Variants in ARHGEF12 observed in about 807,000 individuals in gnomAD.
ARHGEF12 encodes the protein KMT2A/ARHGEF12 fusion protein.
In ARHGEF12, 66 loss-of-function variants were observed where a neutral mutation model predicts 211.2. The ratio of observed to expected loss-of-function variants is 0.31; its 90% CI spans 0.26 to 0.38. ARHGEF12 has a LOEUF of 0.38. ARHGEF12 is among the 10% of genes least tolerant of loss of function. ARHGEF12 has a pLI of 1.00. For synonymous variants in ARHGEF12, 592 were observed against 638.4 expected, an observed-to-expected ratio of 0.93 and a Z score of 1.09; for missense variants, 1,429 against 1,869.5, an observed-to-expected ratio of 0.76 and a Z score of 4.34.
rs1428898761 is a variant in ARHGEF12, at chr11:120,402,806, A to G, written c.33-3312A>G. ...ACTGAAATCAATAAAAGAAAAAAAC[A>G]ATTTCTAGCAGGCTATTTATTATAA... On this transcript the variant is annotated intron_variant, in intron 1 of 40. Transcript: ENST00000397843. Among the ~76,000 whole-genome samples, 5 of 151,976 alleles carry G rather than the reference A, an allele frequency of 3.3e-5. No homozygotes were observed. The East Asian group carries it at 9.7e-4, about 29-fold the overall frequency.
At chr11:120,477,807 C>T (rs1324541412) in intron 36 of ARHGEF12, among the ~76,000 whole-genome samples, 2 of 146,290 alleles carry the variant, frequency 1.4e-5, no homozygotes, top group Admixed American at 6.9e-5. Flanking sequence ...GCGGAGGTTA[C>T]GGTGAGCCGA....
At chr11:120,347,893 A>G (rs570188853) in intron 1 of ARHGEF12, among the ~76,000 whole-genome samples, 1 of 152,220 alleles carries the variant, frequency 6.6e-6, no homozygotes, top group African/African-American at 2.4e-5. Flanking sequence ...TCAGGTGACA[A>G]TGAGGTGGCA....
chr11:120,459,628 C>A (rs1343957215), intron 26 of ARHGEF12, among the ~76,000 whole-genome samples: 1 of 151,744 alleles, frequency 6.6e-6, no homozygotes, highest in Non-Finnish European at 1.5e-5. Flanking sequence ...ATATATATAT[C>A]CAATATAATA....
At chr11:120,401,592 A>G (rs1240130669) in intron 1 of ARHGEF12, among the ~76,000 whole-genome samples, 1 of 152,218 alleles carries the variant, frequency 6.6e-6, no homozygotes, top group Non-Finnish European at 1.5e-5. Context: ...CACCTTTGAT[A>G]TTTTAAAGGA....
Position 120,445,406 on chromosome 11 carries a change from T to G in ARHGEF12, c.1303-16T>G, listed in dbSNP as rs1405833551. 7 of 1,613,954 alleles carry G rather than the reference T, an allele frequency of 4.3e-6. No homozygotes were observed. Among genetic ancestry groups the G allele is most frequent in the Non-Finnish European group, 5.9e-6 (7 of 1,179,812 alleles). The stretch of plus-strand genomic sequence containing the variant: ...TCTTTAGCGTTGTTACACCTTTTGT[T>G]TGCATTTCATTTTAGCACCTGAAAG... On this transcript the variant is annotated splice_polypyrimidine_tract_variant and intron_variant, in intron 15 of 40. Transcript: ENST00000397843.
intron 1 of ARHGEF12, among the ~76,000 whole-genome samples, chr11:120,390,060 A>AT: frequency 6.6e-6 from 1 of 151,658 alleles, no homozygotes; most frequent in African/African-American, 2.4e-5. Flanking sequence ...TTTTTTCTTT[A>AT]TTTTTTTCTC....
Position 120,424,483 on chromosome 11 carries a change from CTG to C in ARHGEF12, c.406+70_406+71del, listed in dbSNP as rs974910593. On this transcript the variant is annotated intron_variant, in intron 7 of 40. Coordinates refer to ENST00000397843, the MANE Select transcript of ARHGEF12 (RefSeq NM_015313.3). ...CTTAAAGTAAGGAGCAGCAAATTTCCTGTAATAGGCCAAATAGTAAATATTTA... is the reference window on the plus strand; with the variant it reads ...CTTAAAGTAAGGAGCAGCAAATTTCCTAATAGGCCAAATAGTAAATATTTA... The C allele has an allele frequency of 3.9e-6, 5 of 1,285,252 alleles. No individual in the cohort carries two copies. The African/African-American group carries it at 7.3e-5, about 19-fold the overall frequency. 79.6% of individuals were successfully genotyped at this position (1,285,252 alleles called of 1,614,324 possible).
intron 18 of ARHGEF12, among the ~76,000 whole-genome samples, 163 bp from the exon 19 acceptor site, chr11:120,447,710 GA>G (rs1209328553): frequency 1.3e-5 from 2 of 152,176 alleles, no homozygotes; most frequent in Non-Finnish European, 1.5e-5. Context: ...CAGCTACTCA[GA>G]AGGCTGAGGC....
intron 1 of ARHGEF12, among the ~76,000 whole-genome samples, chr11:120,363,167 A>G (rs1190175357): frequency 6.6e-6 from 1 of 152,248 alleles, no homozygotes; most frequent in Non-Finnish European, 1.5e-5. Flanking sequence ...ATGAATGTAC[A>G]TTTACATAAG....
chr11:120,409,243 C>G, intron 3 of ARHGEF12, 151 bp from the exon 4 acceptor site: 1 of 632,796 alleles, frequency 1.6e-6, no homozygotes, highest in South Asian at 2.2e-5. Flanking sequence ...CTGTTTGTGA[C>G]TATTCTAAGT....
At chr11:120,440,349 A>G (rs979009042) in intron 13 of ARHGEF12, 128 bp downstream of exon 13, 37 of 733,204 alleles carry the variant, frequency 5.0e-5, no homozygotes, top group East Asian at 3.8e-4. Context: ...CTTAGAACCA[A>G]TAGCTCCTTG....
chr11:120,379,928 T>C (rs149695489), intron 1 of ARHGEF12, among the ~76,000 whole-genome samples: 1 of 152,360 alleles, frequency 6.6e-6, no homozygotes, highest in East Asian at 1.9e-4. Flanking sequence ...TTTCTTGTAA[T>C]GTCATTGCCT....
chr11:120,457,031 G>A, intron 22 of ARHGEF12, 87 bp from the exon 23 acceptor site: 1 of 1,296,358 alleles, frequency 7.7e-7, no homozygotes, highest in Non-Finnish European at 1.1e-6. Context: ...GGATTAGGCT[G>A]AAGCTGTTCT....
At chr11:120,386,641 A>G (rs1280416085) in intron 1 of ARHGEF12, among the ~76,000 whole-genome samples, 1 of 152,178 alleles carries the variant, frequency 6.6e-6, no homozygotes, top group Non-Finnish European at 1.5e-5. Flanking sequence ...CATGCATATG[A>G]TGTACCATTT....
chr11:120,395,873 T>G (rs1305026264), intron 1 of ARHGEF12, among the ~76,000 whole-genome samples: 7 of 152,122 alleles, frequency 4.6e-5, no homozygotes, highest in Non-Finnish European at 8.8e-5. Flanking sequence ...AACCATATCA[T>G]GTGTATGTAT....
intron 1 of ARHGEF12, among the ~76,000 whole-genome samples, chr11:120,386,884 A>G (rs771877146): frequency 3.5e-4 from 53 of 152,270 alleles, no homozygotes; most frequent in Middle Eastern, 3.4e-3. Flanking sequence ...TAACAAAGCC[A>G]TGAAGTGATG....
intron 1 of ARHGEF12, among the ~76,000 whole-genome samples, chr11:120,343,550 C>T (rs1942600661): frequency 6.6e-6 from 1 of 152,200 alleles, no homozygotes; most frequent in Admixed American, 6.5e-5. Context: ...AATTAGCATG[C>T]ACCAATGCAG....
At chr11:120,429,552 A>G (rs1329378678) in intron 9 of ARHGEF12, 35 bp downstream of exon 9, 33 of 1,604,190 alleles carry the variant, frequency 2.1e-5, no homozygotes, top group Non-Finnish European at 2.6e-5. Flanking sequence ...TTACAGGCCA[A>G]TAAAAATGTG....
intron 31 of ARHGEF12, 75 bp from the exon 32 acceptor site, chr11:120,474,485 A>G: frequency 2.1e-6 from 2 of 944,316 alleles, no homozygotes; most frequent in South Asian, 3.7e-5. Flanking sequence ...TCTTTAAAAG[A>G]GACTGTATTA....
Sources: allele counts gnomAD v4.1 joint callset (sites outside exome capture counted in the v4.1 genomes callset), GRCh38; gene constraint gnomAD v4.1.1; transcripts MANE v1.5; gene names NCBI Gene and HGNC (gene_info 2026-07-23, HGNC 2026-07-21).